MCC: variants seen among roughly 807,000 people sequenced by gnomAD.
The protein encoded by MCC is MCC regulator of Wnt signaling pathway.
In MCC, 90 loss-of-function variants were observed where a neutral mutation model predicts 116.2. The observed-to-expected ratio is 0.77, with a 90% CI of 0.65 to 0.92. The LOEUF (loss-of-function observed/expected upper bound fraction) is 0.92, where lower values mean the gene tolerates loss of function less well. Ranked by LOEUF, MCC falls within the 40% of genes least tolerant of loss-of-function variation. The probability of loss-of-function intolerance (pLI) is 0.00; values close to 1 mark genes in which losing one functional copy is unlikely to be tolerated. For synonymous variants in MCC, 578 were observed against 510.5 expected, an observed-to-expected ratio of 1.13 and a Z score of -1.78; for missense variants, 1,516 against 1,312.2, an observed-to-expected ratio of 1.16 and a Z score of -2.40.
chr5:113,223,896 C>T (rs1296359016), intron 3 of MCC, among the ~76,000 whole-genome samples: 4 of 152,084 alleles, frequency 2.6e-5, no homozygotes, highest in Non-Finnish European at 5.9e-5. Flanking sequence ...TTCTGTTCCA[C>T]GTACTGGCAT....
At chr5:113,176,499 T>A (rs13357890) in intron 3 of MCC, among the ~76,000 whole-genome samples, 9,074 of 152,274 alleles carry the variant, frequency 0.06, 645 homozygotes, top group African/African-American at 0.16. Context: ...CAAGACACTG[T>A]TCTCAAAGTC....
chr5:113,449,843 G>A (rs7719166), intron 1 of MCC, among the ~76,000 whole-genome samples: 2 of 152,070 alleles, frequency 1.3e-5, no homozygotes, highest in Admixed American at 1.3e-4. Flanking sequence ...AATAAATGAC[G>A]ATTTTTAAAG....
chr5:113,433,931 G>A (rs1318711022), intron 1 of MCC: 3 of 1,614,030 alleles, frequency 1.9e-6, no homozygotes, highest in Admixed American at 3.3e-5. Flanking sequence ...TCTTGTCAGA[G>A]CCAGGTTCGG....
chr5:113,234,593 A>C (rs903005709), intron 3 of MCC: 3 of 152,182 alleles, frequency 2.0e-5, no homozygotes, highest in African/African-American at 7.2e-5. Flanking sequence ...AGAGGTCTCT[A>C]TCTCTACCCA....
chr5:113,428,343 C>T (rs1770536313), intron 1 of MCC, among the ~76,000 whole-genome samples: 3 of 152,198 alleles, frequency 2.0e-5, no homozygotes, highest in Admixed American at 2.0e-4. Flanking sequence ...CACCACACCC[C>T]TCTTTACCGA....
At chr5:113,118,370 A>C (rs1458701880) in intron 6 of MCC, among the ~76,000 whole-genome samples, 1 of 152,196 alleles carries the variant, frequency 6.6e-6, no homozygotes, top group African/African-American at 2.4e-5. Flanking sequence ...TTTAAAAAAA[A>C]CATGCAGTGT....
At chr5:113,115,578 ACCTTGGTG>A (rs1021220302) in intron 6 of MCC, among the ~76,000 whole-genome samples, 1 of 151,852 alleles carries the variant, frequency 6.6e-6, no homozygotes, top group African/African-American at 2.4e-5. Flanking sequence ...GCCTCTACTG[ACCTTGGTG>A]CCCATCTAGG....
intron 1 of MCC, among the ~76,000 whole-genome samples, chr5:113,469,371 T>C (rs1283760137): frequency 6.6e-6 from 1 of 152,220 alleles, no homozygotes; most frequent in African/African-American, 2.4e-5. Context: ...CCAGAGATTC[T>C]GGTATGTTGT....
chr5:113,289,536 C>A (rs1262717389), intron 3 of MCC, among the ~76,000 whole-genome samples: 2 of 152,004 alleles, frequency 1.3e-5, no homozygotes, highest in Non-Finnish European at 2.9e-5. Flanking sequence ...CAGAAATGAT[C>A]CTGTGCCCGT....
At chr5:113,414,626 T>G (rs1265599391) in intron 1 of MCC, among the ~76,000 whole-genome samples, 1 of 152,166 alleles carries the variant, frequency 6.6e-6, no homozygotes, top group East Asian at 1.9e-4. Context: ...TGGTAGATCT[T>G]CCTCCATCCC....
At chr5:113,333,836 T>TACATATATGTAC (rs372077130) in intron 3 of MCC, among the ~76,000 whole-genome samples, 3 of 59,316 alleles carry the variant, frequency 5.1e-5, no homozygotes, top group African/African-American at 1.0e-4. Context: ...TGTATATATG[T>TACATATATGTAC]ATATATGTAT....
intron 12 of MCC, among the ~76,000 whole-genome samples, chr5:113,070,101 C>A (rs940118226): frequency 1.3e-5 from 2 of 152,222 alleles, no homozygotes; most frequent in African/African-American, 4.8e-5. Flanking sequence ...ACGGTTATCA[C>A]AGATGGATTA....
At chr5:113,043,296 T>C (rs1561745986) in intron 17 of MCC, among the ~76,000 whole-genome samples, 1 of 152,114 alleles carries the variant, frequency 6.6e-6, no homozygotes, top group Non-Finnish European at 1.5e-5. Flanking sequence ...GGAAGAGGAA[T>C]TTTCCTATTC....
At chr5:113,150,998 C>T (rs1343982005) in intron 4 of MCC, among the ~76,000 whole-genome samples, 8 of 152,164 alleles carry the variant, frequency 5.3e-5, no homozygotes, top group Admixed American at 2.6e-4. Context: ...GAGTCATGAT[C>T]GTGCCACCGC....
intron 3 of MCC, among the ~76,000 whole-genome samples, chr5:113,255,713 T>TA (rs1188328374): frequency 1.3e-5 from 2 of 152,210 alleles, no homozygotes; most frequent in Non-Finnish European, 2.9e-5. Context: ...AGCTTTCACT[T>TA]AAATATTTAC....
chr5:113,392,642 A>C (rs765469609), intron 1 of MCC, among the ~76,000 whole-genome samples: 14 of 152,334 alleles, frequency 9.2e-5, no homozygotes, highest in Non-Finnish European at 1.8e-4. Flanking sequence ...AGAATTGAGA[A>C]GAGGTTAACA....
chr5:113,368,277 C>T (rs1331876993), intron 2 of MCC, among the ~76,000 whole-genome samples: 3 of 152,124 alleles, frequency 2.0e-5, no homozygotes, highest in African/African-American at 7.2e-5. Context: ...TTTTCTTTGT[C>T]CCTAGTGTTA....
intron 1 of MCC, among the ~76,000 whole-genome samples, chr5:113,453,992 C>T (rs2150421553): frequency 6.6e-6 from 1 of 152,194 alleles, no homozygotes; most frequent in African/African-American, 2.4e-5. Context: ...TGATTGTAAT[C>T]CCAGCTGTTC....
At chr5:113,046,178 T>C (rs1283962053) in intron 16 of MCC, among the ~76,000 whole-genome samples, 2 of 151,990 alleles carry the variant, frequency 1.3e-5, no homozygotes, top group African/African-American at 4.8e-5. Flanking sequence ...TCTGGCCTTT[T>C]CCATAGGATA....
Sources: allele counts gnomAD v4.1 joint callset (sites outside exome capture counted in the v4.1 genomes callset), GRCh38; gene constraint gnomAD v4.1.1; transcripts MANE v1.5; gene names NCBI Gene and HGNC (gene_info 2026-07-23, HGNC 2026-07-21).